Variants in MTMR12 observed in about 807,000 individuals in gnomAD.
MTMR12 encodes the protein myotubularin-related protein 12.
Under a neutral mutation model 96.7 loss-of-function variants are expected in MTMR12, and 33 were observed. The observed-to-expected ratio is 0.34, with a 90% CI of 0.26 to 0.46. MTMR12 has a LOEUF of 0.46. Ranked by LOEUF, MTMR12 falls within the 20% of genes least tolerant of loss-of-function variation. The pLI is 1.00. For missense variants in MTMR12, 721 were observed against 896.1 expected (o/e 0.80, Z 2.49); for synonymous variants, 298 against 327.2 (o/e 0.91, Z 0.96).
At chr5:32,291,255 A>G (rs549975879) in intron 1 of MTMR12, among the ~76,000 whole-genome samples, 2 of 152,182 alleles carry the variant, frequency 1.3e-5, no homozygotes, top group African/African-American at 4.8e-5. Flanking sequence ...AGCACTACAG[A>G]TCCTTTCTAG....
intron 1 of MTMR12, among the ~76,000 whole-genome samples, chr5:32,299,758 A>G (rs1218980529): frequency 6.6e-6 from 1 of 152,172 alleles, no homozygotes; most frequent in Non-Finnish European, 1.5e-5. Flanking sequence ...CTTGGATTCT[A>G]TTCCTCAAGA....
chr5:32,260,139 G>A (rs529271238), intron 7 of MTMR12, among the ~76,000 whole-genome samples: 3 of 151,570 alleles, frequency 2.0e-5, no homozygotes, highest in South Asian at 4.2e-4. Flanking sequence ...TTCCAGACAG[G>A]AGCCTGTGGG....
At chr5:32,251,179 C>A (rs1014316842) in intron 8 of MTMR12, among the ~76,000 whole-genome samples, 6 of 151,398 alleles carry the variant, frequency 4.0e-5, no homozygotes, top group Admixed American at 3.9e-4. Flanking sequence ...CCTCAGCCTC[C>A]CGAGTAGCTG....
chr5:32,300,972 G>A (rs537849819), intron 1 of MTMR12, among the ~76,000 whole-genome samples: 55 of 152,324 alleles, frequency 3.6e-4, no homozygotes, highest in Non-Finnish European at 6.9e-4. Context: ...CTACTCAGAA[G>A]GCTGAGGCAG....
At chr5:32,287,045 T>A (rs114387587) in intron 1 of MTMR12, among the ~76,000 whole-genome samples, 2 of 152,146 alleles carry the variant, frequency 1.3e-5, no homozygotes, top group African/African-American at 2.4e-5. Flanking sequence ...TGGGAACACT[T>A]AGAAACACTG....
rs1469665712 is a variant in MTMR12 at position 32,308,640 on chromosome 5, C to T, written c.81+4118G>A. Among the ~76,000 whole-genome samples the T allele has an allele frequency of 4.0e-5, 6 of 151,774 alleles. 1 individual carries two copies. In the South Asian group the frequency reaches 6.2e-4, roughly 16 times the overall value. On this transcript the variant is annotated intron_variant, in intron 1 of 15. Coordinates refer to ENST00000382142, the MANE Select transcript of MTMR12 (RefSeq NM_001040446.3). Reference sequence around the variant, plus strand: ...TTTTTGAGATGGAGTCTCACTCTGTCGCCAGGCTGAAATGCAGTGGCGTGA... The same window carrying T: ...TTTTTGAGATGGAGTCTCACTCTGTTGCCAGGCTGAAATGCAGTGGCGTGA...
chr5:32,243,450 T>C (rs892366409), intron 11 of MTMR12, 71 bp downstream of exon 11: 37 of 1,045,380 alleles, frequency 3.5e-5, no homozygotes, highest in Middle Eastern at 2.5e-4. Flanking sequence ...GTTAAATTAT[T>C]TGTCGGTTTG....
At position 32,235,070 on chromosome 5, in the gene MTMR12, C is replaced by T. The variant is rs765956828; in HGVS notation, c.1404G>A (p.Pro468=). The T allele has an allele frequency of 3.1e-6, 5 of 1,613,936 alleles. No individual in the cohort carries two copies. Among genetic ancestry groups the T allele is most frequent in the East Asian group, 2.2e-5 (1 of 44,880 alleles). Residue 468 remains proline, a synonymous_variant, in exon 14 of 16, where the codon CCG becomes CCA. Coordinates refer to ENST00000382142, the MANE Select transcript of MTMR12 (RefSeq NM_001040446.3). ...GGTAAGTCTCTGTGAATTCAAATGC[C>T]GGGGGATGCTGGTGCACCAGCTGCC... is the stretch of plus-strand genomic sequence containing the variant. ...CVWQLVHQHP[P]AFEFTETYLT...
intron 12 of MTMR12, among the ~76,000 whole-genome samples, chr5:32,241,651 A>G (rs1160569934): frequency 1.3e-5 from 2 of 152,236 alleles, no homozygotes; most frequent in African/African-American, 2.4e-5. Context: ...CCAAGTTTCT[A>G]TGGTAACTGA....
intron 1 of MTMR12, among the ~76,000 whole-genome samples, chr5:32,282,250 G>A (rs1453997749): frequency 4.6e-5 from 7 of 151,710 alleles, no homozygotes; most frequent in East Asian, 1.9e-4. Context: ...GTGAAACCCC[G>A]TCTCTACTAA....
At chr5:32,247,938 C>T in intron 10 of MTMR12, 64 bp downstream of exon 10, 1 of 1,571,184 alleles carries the variant, frequency 6.4e-7, no homozygotes, top group Non-Finnish European at 8.7e-7. Context: ...CCAACTTTCA[C>T]CTGATCTGCA....
intron 12 of MTMR12, among the ~76,000 whole-genome samples, chr5:32,239,960 A>C (rs1456658495): frequency 6.6e-6 from 1 of 152,194 alleles, no homozygotes. Flanking sequence ...TTATCCGTGC[A>C]TTTGTCTTAA....
intron 7 of MTMR12, among the ~76,000 whole-genome samples, chr5:32,258,710 C>G (rs1284790937): frequency 6.6e-6 from 1 of 152,102 alleles, no homozygotes; most frequent in African/African-American, 2.4e-5. Flanking sequence ...GCCACTGTTT[C>G]TCAACCTTTT....
chr5:32,237,027 C>T (rs1029228094), intron 13 of MTMR12, among the ~76,000 whole-genome samples: 5 of 152,132 alleles, frequency 3.3e-5, no homozygotes, highest in Non-Finnish European at 5.9e-5. Flanking sequence ...AAGTACAGGC[C>T]AGGCCTGAAA....
chr5:32,256,601 A>C (rs945802125), intron 7 of MTMR12, among the ~76,000 whole-genome samples: 1 of 152,276 alleles, frequency 6.6e-6, no homozygotes, highest in African/African-American at 2.4e-5. Context: ...GTTAACAAGA[A>C]AACTGCCTAA....
At position 32,229,691 on chromosome 5, in the gene MTMR12, C is replaced by G. The variant is rs1407748684; in HGVS notation, c.*87G>C. 1.5e-6 allele frequency: 2 copies of G among 1,322,886 alleles called. No homozygotes were observed. Among genetic ancestry groups the G allele is most frequent in the Non-Finnish European group, 2.0e-6 (2 of 1,000,960 alleles). 81.9% of individuals were successfully genotyped at this position (1,322,886 alleles called of 1,614,324 possible). A position where few individuals can be genotyped will look rare whatever the true frequency, so the allele number is the denominator to read the frequency against. On this transcript the variant is annotated 3_prime_UTR_variant, in exon 16 of 16. Coordinates refer to ENST00000382142, the MANE Select transcript of MTMR12 (RefSeq NM_001040446.3). ...ACGGAGTGCCGGGCTAAGGACCCAG[C>G]CAGCATGAGCTGTAGCGTGACACAA...
At chr5:32,240,358 C>T (rs1748418245) in intron 12 of MTMR12, among the ~76,000 whole-genome samples, 1 of 149,388 alleles carries the variant, frequency 6.7e-6, no homozygotes, top group African/African-American at 2.5e-5. Context: ...GAGATCGCAC[C>T]ATTGCACTCC....
chr5:32,281,258 A>AAC (rs1750282228), intron 1 of MTMR12, among the ~76,000 whole-genome samples: 1 of 150,008 alleles, frequency 6.7e-6, no homozygotes, highest in East Asian at 2.0e-4. Flanking sequence ...TAAAAAAAAA[A>AAC]AAAAAACAAA....
In MTMR12 at chr5:32,305,271, T is replaced by C. The variant is rs145550491; in HGVS notation, c.81+7487A>G. Among the ~76,000 whole-genome samples, 1,501 of 152,142 alleles carry C rather than the reference T, an allele frequency of 9.9e-3. 7 individuals are homozygous for C. The highest frequency in any genetic ancestry group is 0.014 in the Non-Finnish European group (957 of 67,994). On this transcript the variant is annotated intron_variant, in intron 1 of 15. Coordinates refer to ENST00000382142, the MANE Select transcript of MTMR12 (RefSeq NM_001040446.3). ...GCCCGGCTAATTTTTGTATTTTTAG[T>C]AGAGATGGGGTTTCACCATATTGGC... is the stretch of plus-strand genomic sequence containing the variant.
Sources: gnomAD v4.1 joint callset for allele counts (sites outside exome capture counted in the v4.1 genomes callset) on GRCh38, gnomAD v4.1.1 for gene constraint, MANE v1.5 for transcripts, NCBI Gene and HGNC (gene_info 2026-07-23, HGNC 2026-07-21) for gene names.